The following MBD5 variants were observed in gnomAD, a reference collection of about 807,000 sequenced individuals.
MBD5 encodes methyl-CpG binding domain protein 5.
MBD5 carries 13 observed loss-of-function variants against 117.3 expected under a neutral mutation model. The ratio of observed to expected loss-of-function variants is 0.11; its 90% CI spans 0.07 to 0.18. MBD5 has a LOEUF of 0.18. Among genes scored for constraint, MBD5 ranks in the 10% least tolerant of loss-of-function variants. The pLI is 1.00. For synonymous variants in MBD5, 727 were observed against 766.4 expected (o/e 0.95, Z 0.85); for missense variants, 1,879 against 2,093.8 (o/e 0.90, Z 2.00).
chr2:148,282,845 T>C (rs953940433), intron 3 of MBD5, among the ~76,000 whole-genome samples: 1 of 151,766 alleles, frequency 6.6e-6, no homozygotes, highest in Non-Finnish European at 1.5e-5. Flanking sequence ...TCCTCAAAAG[T>C]AATTTTGACT....
intron 3 of MBD5, among the ~76,000 whole-genome samples, chr2:148,331,162 A>T (rs1440930190): frequency 6.6e-6 from 1 of 152,222 alleles, no homozygotes; most frequent in Non-Finnish European, 1.5e-5. Flanking sequence ...TGTATGAGAC[A>T]GCAATTCATA....
At chr2:148,186,445 A>G (rs1698660130) in intron 2 of MBD5, among the ~76,000 whole-genome samples, 1 of 152,230 alleles carries the variant, frequency 6.6e-6, no homozygotes, top group African/African-American at 2.4e-5. Flanking sequence ...AAGCAGTCAC[A>G]ATCCTTTCAT....
At chr2:148,031,317 C>A (rs1391145948) in intron 1 of MBD5, among the ~76,000 whole-genome samples, 1 of 148,212 alleles carries the variant, frequency 6.7e-6, no homozygotes, top group Admixed American at 6.9e-5. Context: ...TAACATTAAA[C>A]TGAGTGTGTA....
intron 2 of MBD5, among the ~76,000 whole-genome samples, chr2:148,188,249 C>G (rs1350027277): frequency 2.0e-5 from 3 of 152,022 alleles, no homozygotes; most frequent in Admixed American, 2.0e-4. Context: ...GTCTTAAGCT[C>G]ATTATATTAT....
intron 11 of MBD5, among the ~76,000 whole-genome samples, chr2:148,491,677 A>G (rs1239331283): frequency 3.9e-5 from 6 of 152,004 alleles, no homozygotes; most frequent in Admixed American, 3.3e-4. Context: ...ACTTGTCAGG[A>G]TACACTCTGG....
intron 1 of MBD5, among the ~76,000 whole-genome samples, chr2:148,120,947 C>G (rs1375240968): frequency 6.6e-6 from 1 of 152,072 alleles, no homozygotes; most frequent in Non-Finnish European, 1.5e-5. Context: ...CTTTCTATTC[C>G]TAGTTTGTTG....
At chr2:148,087,707 A>T (rs1383962359) in intron 1 of MBD5, among the ~76,000 whole-genome samples, 3 of 152,216 alleles carry the variant, frequency 2.0e-5, no homozygotes, top group Non-Finnish European at 4.4e-5. Flanking sequence ...GTGCAAAAGA[A>T]TCTCAACAGC....
At chr2:148,217,850 C>T (rs1369412531) in intron 2 of MBD5, among the ~76,000 whole-genome samples, 1 of 152,094 alleles carries the variant, frequency 6.6e-6, no homozygotes, top group Non-Finnish European at 1.5e-5. Flanking sequence ...AATCTCCACC[C>T]TCACGGAGTT....
rs1243860025 is a variant in MBD5 at position 148,502,650 on chromosome 2, T to C, written c.5036+141T>C. The C allele has an allele frequency of 5.1e-6, 4 of 786,880 alleles. No homozygotes were observed. In the East Asian group the frequency reaches 8.0e-5, roughly 16 times the overall value. 48.7% of individuals were successfully genotyped at this position (786,880 alleles called of 1,614,324 possible). A position where few individuals can be genotyped will look rare whatever the true frequency, so the allele number is the denominator to read the frequency against. On this transcript the variant is annotated intron_variant, in intron 12 of 13. Coordinates refer to ENST00000642680, the MANE Select transcript of MBD5 (RefSeq NM_001378120.1). ...AGTTTGTTACCACCAAAGAGGACCA[T>C]TATAGACAAGCCAAATTAGTGATTA...
At chr2:148,486,130 T>TA (rs1383119979) in intron 10 of MBD5, among the ~76,000 whole-genome samples, 180 bp downstream of exon 10, 1 of 152,234 alleles carries the variant, frequency 6.6e-6, no homozygotes, top group Non-Finnish European at 1.5e-5. Flanking sequence ...TTTCTTTTTT[T>TA]AATTTTGTCT....
chr2:148,308,529 A>T (rs1400847333), intron 3 of MBD5, among the ~76,000 whole-genome samples: 5 of 107,304 alleles, frequency 4.7e-5, no homozygotes, highest in African/African-American at 1.8e-4. Context: ...GATGGGGTTA[A>T]GTTCCCTGTA....
intron 3 of MBD5, among the ~76,000 whole-genome samples, chr2:148,246,210 G>T (rs1700333573): frequency 6.6e-6 from 1 of 152,110 alleles, no homozygotes; most frequent in Non-Finnish European, 1.5e-5. Context: ...TAACTGACTT[G>T]CCCAAGGACT....
intron 1 of MBD5, among the ~76,000 whole-genome samples, chr2:148,089,571 A>C (rs1695883170): frequency 1.3e-5 from 2 of 152,140 alleles, no homozygotes; most frequent in Non-Finnish European, 2.9e-5. Flanking sequence ...CATGGAAATT[A>C]AAGAATCTGC....
chr2:148,259,257 A>G (rs997631130), intron 3 of MBD5, among the ~76,000 whole-genome samples: 1 of 152,160 alleles, frequency 6.6e-6, no homozygotes, highest in Non-Finnish European at 1.5e-5. Flanking sequence ...AACGTGCTGC[A>G]TCCCTCAGAG....
At chr2:148,270,901 C>G (rs1700970431) in intron 3 of MBD5, among the ~76,000 whole-genome samples, 1 of 152,030 alleles carries the variant, frequency 6.6e-6, no homozygotes, top group African/African-American at 2.4e-5. Flanking sequence ...TTTTTAATTC[C>G]CTTTTCCACA....
At chr2:148,389,250 ACATAT>A (rs1423636675) in intron 4 of MBD5, among the ~76,000 whole-genome samples, 1 of 29,148 alleles carries the variant, frequency 3.4e-5, no homozygotes, top group African/African-American at 1.2e-4. Flanking sequence ...GGAAAAAAAA[ACATAT>A]ATATATATAT....
chr2:148,299,664 G>GT (rs1242525566), intron 3 of MBD5, among the ~76,000 whole-genome samples: 1 of 152,068 alleles, frequency 6.6e-6, no homozygotes, highest in Non-Finnish European at 1.5e-5. Flanking sequence ...GTTTTGTTTT[G>GT]TTTTAATAAC....
chr2:148,432,241 A>C (rs1234941184), intron 4 of MBD5, among the ~76,000 whole-genome samples: 4 of 151,690 alleles, frequency 2.6e-5, no homozygotes, highest in South Asian at 2.1e-4. Flanking sequence ...CATCTGTTTA[A>C]ATTTCTTATA....
At chr2:148,136,085 G>T (rs1026327889) in intron 1 of MBD5, among the ~76,000 whole-genome samples, 2 of 152,164 alleles carry the variant, frequency 1.3e-5, no homozygotes, top group Non-Finnish European at 2.9e-5. Flanking sequence ...ATAGTGGGGG[G>T]TGGTGGGTGT....
Sources: gnomAD v4.1 joint callset for allele counts (sites outside exome capture counted in the v4.1 genomes callset) on GRCh38, gnomAD v4.1.1 for gene constraint, MANE v1.5 for transcripts, NCBI Gene and HGNC (gene_info 2026-07-23, HGNC 2026-07-21) for gene names.